RASSF6: variants seen among roughly 807,000 people sequenced by gnomAD.
RASSF6 encodes the protein Ras association domain family member 6, also known as ras association domain-containing protein 6.
Under a neutral mutation model 44.0 loss-of-function variants are expected in RASSF6, and 52 were observed. The ratio of observed to expected loss-of-function variants is 1.18; its 90% confidence interval spans 0.95 to 1.49. The LOEUF (loss-of-function observed/expected upper bound fraction) is 1.49, where lower values mean the gene tolerates loss of function less well. Among genes scored for constraint, RASSF6 ranks in the 40% most tolerant of loss-of-function variants. The probability of loss-of-function intolerance (pLI) is 0.00; values close to 1 mark genes in which losing one functional copy is unlikely to be tolerated. For missense variants in RASSF6, 464 were observed against 393.3 expected, an observed-to-expected ratio of 1.18 and a Z score of -1.52; for synonymous variants, 162 against 124.6, an observed-to-expected ratio of 1.30 and a Z score of -2.00.
At chr4:73,613,159 G>T (rs902616452) in intron 1 of RASSF6, among the ~76,000 whole-genome samples, 4 of 152,066 alleles carry the variant, frequency 2.6e-5, no homozygotes, top group Non-Finnish European at 4.4e-5. Context: ...CTATCTTCTT[G>T]CTCAAAGAAT....
intron 6 of RASSF6, 118 bp from the exon 7 acceptor site, chr4:73,582,408 T>G (rs1723736639): frequency 2.1e-6 from 1 of 468,396 alleles, no homozygotes; most frequent in Non-Finnish European, 3.7e-6. Context: ...TTTAAAAAAT[T>G]TGTTTTGTTT....
intron 2 of RASSF6, among the ~76,000 whole-genome samples, chr4:73,610,581 T>C (rs1725937688): frequency 6.6e-6 from 1 of 152,180 alleles, no homozygotes; most frequent in Admixed American, 6.5e-5. Context: ...CTTACAAATA[T>C]GCATCTGCCT....
intron 2 of RASSF6, 63 bp from the exon 3 acceptor site, chr4:73,598,781 G>T: frequency 1.5e-6 from 1 of 687,810 alleles, no homozygotes; most frequent in Non-Finnish European, 2.4e-6. Context: ...AGGTGATAAT[G>T]GTACTTTCAT....
chr4:73,593,631 A>T, intron 3 of RASSF6, 38 bp from the exon 4 acceptor site: 1 of 1,553,726 alleles, frequency 6.4e-7, no homozygotes, highest in South Asian at 1.1e-5. Context: ...TTGTTTTTGT[A>T]TTATTTATAG....
Position 73,575,709 on chromosome 4 carries a change from C to A in RASSF6, c.*526G>T, listed in dbSNP as rs1191618943. The stretch of plus-strand genomic sequence containing the variant: ...CAAAGGCCAGACAGCTCTGATGTTA[C>A]AGATAGTCAGAAGTCAACAGGCCAT... On this transcript the variant is annotated 3_prime_UTR_variant, in exon 11 of 11. Transcript: ENST00000307439. 1.3e-5 allele frequency: 2 copies of A among 152,140 alleles called. No homozygotes were observed. The highest frequency in any genetic ancestry group is 2.9e-5 in the Non-Finnish European group (2 of 68,046). The allele number at this position is 152,140 out of a possible 1,614,324, so 9.4% of individuals were successfully genotyped here. A position where few individuals can be genotyped will look rare whatever the true frequency, so the allele number is the denominator to read the frequency against.
chr4:73,593,905 A>C (rs1053761857), intron 3 of RASSF6, among the ~76,000 whole-genome samples: 6 of 152,222 alleles, frequency 3.9e-5, no homozygotes, highest in Non-Finnish European at 5.9e-5. Flanking sequence ...TTAATTCTCT[A>C]ATTTTGTTTA....
At chr4:73,598,563 C>A in intron 3 of RASSF6, 77 bp downstream of exon 3, 1 of 606,848 alleles carries the variant, frequency 1.6e-6, no homozygotes, top group South Asian at 2.3e-5. Context: ...CTGTTTCTTC[C>A]AGAATTGTGT....
chr4:73,579,443 G>T (rs2149363655), intron 8 of RASSF6, among the ~76,000 whole-genome samples: 1 of 152,234 alleles, frequency 6.6e-6, no homozygotes, highest in African/African-American at 2.4e-5. Flanking sequence ...GCCAGCCATG[G>T]GTAGAATCAT....
In RASSF6 at chr4:73,611,743, G is replaced by A. The variant is rs148300300; in HGVS notation, c.53C>T (p.Thr18Ile). 1 of 1,603,478 alleles carries A rather than the reference G, an allele frequency of 6.2e-7. No homozygotes were observed. The highest frequency in any genetic ancestry group is 2.2e-5 in the East Asian group (1 of 44,662). Residue 18 changes from threonine to isoleucine, a missense_variant, in exon 2 of 11, where the codon ACA becomes ATA. Thr to Ile is a moderately conservative substitution (Grantham distance 89). Coordinates refer to ENST00000307439, the MANE Select transcript of RASSF6 (RefSeq NM_177532.5). ...GGTGTGTGGTTACCTGGTTATGAAT[G>A]TCTTCTCATTAATGAAGATCCAAGA... ...YPSWIFINEK[T>I]FITREQLNSL... is the part of the protein sequence containing the mutation.
chr4:73,611,907 T>G, intron 1 of RASSF6, 78 bp from the exon 2 acceptor site: 1 of 1,007,274 alleles, frequency 9.9e-7, no homozygotes, highest in Non-Finnish European at 1.5e-6. Context: ...TTGAGTGTTT[T>G]GTTGTGTCTC....
chr4:73,592,497 G>T (rs1325195730), intron 4 of RASSF6, among the ~76,000 whole-genome samples: 4 of 152,140 alleles, frequency 2.6e-5, no homozygotes, highest in African/African-American at 9.7e-5. Flanking sequence ...AGGATGAAAG[G>T]AACTTTTATA....
chr4:73,602,404 A>G (rs1292150701), intron 2 of RASSF6, among the ~76,000 whole-genome samples: 1 of 152,258 alleles, frequency 6.6e-6, no homozygotes, highest in Non-Finnish European at 1.5e-5. Flanking sequence ...CAAATGTGCC[A>G]TGTCTATAGA....
intron 8 of RASSF6, 111 bp from the exon 9 acceptor site, chr4:73,576,842 A>G: frequency 1.5e-6 from 1 of 685,408 alleles, no homozygotes; most frequent in South Asian, 2.1e-5. Context: ...AAAAAATAAC[A>G]CCTGCAACAG....
chr4:73,615,766 A>C, intron 1 of RASSF6: 5 of 745,656 alleles, frequency 6.7e-6, no homozygotes, highest in Non-Finnish European at 9.1e-6. Context: ...TGAACAAGCC[A>C]ATGAGATCTG....
chr4:73,596,601 T>G (rs1724957837), intron 3 of RASSF6, among the ~76,000 whole-genome samples: 1 of 152,178 alleles, frequency 6.6e-6, no homozygotes, highest in Admixed American at 6.5e-5. Context: ...CTGTTGACAT[T>G]CTTCACAGAA....
At chr4:73,616,199 A>G (rs1022339401) in intron 1 of RASSF6, among the ~76,000 whole-genome samples, 7 of 151,864 alleles carry the variant, frequency 4.6e-5, no homozygotes, top group African/African-American at 1.7e-4. Context: ...TTTACAAAGA[A>G]CTAATATATA....
At chr4:73,582,805 T>A (rs1723774470) in intron 6 of RASSF6, among the ~76,000 whole-genome samples, 1 of 151,218 alleles carries the variant, frequency 6.6e-6, no homozygotes, top group Non-Finnish European at 1.5e-5. Flanking sequence ...CATCAAAGTA[T>A]ACAGACACAA....
chr4:73,583,418 C>T (rs1316894830), intron 6 of RASSF6, among the ~76,000 whole-genome samples: 1 of 152,096 alleles, frequency 6.6e-6, no homozygotes, highest in Admixed American at 6.6e-5. Flanking sequence ...TAGAAATATA[C>T]TACTGGTCAA....
intron 6 of RASSF6, among the ~76,000 whole-genome samples, chr4:73,582,986 T>C (rs919234650): frequency 1.3e-5 from 2 of 152,134 alleles, no homozygotes; most frequent in African/African-American, 2.4e-5. Flanking sequence ...AGAGCATTGA[T>C]AAGTTATTCT....
Sources: gnomAD v4.1 joint callset for allele counts (sites outside exome capture counted in the v4.1 genomes callset) on GRCh38, gnomAD v4.1.1 for gene constraint, MANE v1.5 for transcripts, NCBI Gene and HGNC (gene_info 2026-07-23, HGNC 2026-07-21) for gene names.